Variants in CDH4 observed in about 807,000 individuals in gnomAD.
CDH4 encodes the protein cadherin 4.
CDH4 carries 33 observed loss-of-function variants against 86.0 expected under a neutral mutation model. That is an observed-to-expected ratio of 0.38 (90% CI 0.29 to 0.51). CDH4 has a LOEUF of 0.51. Ranked by LOEUF, CDH4 falls within the 20% of genes least tolerant of loss-of-function variation. The pLI is 0.86. For missense variants in CDH4, 1,114 were observed against 1,307.4 expected (o/e 0.85, Z 2.28); for synonymous variants, 555 against 549.4 (o/e 1.01, Z -0.14).
intron 2 of CDH4, among the ~76,000 whole-genome samples, chr20:61,738,046 A>G (rs2088286632): frequency 6.6e-6 from 1 of 152,098 alleles, no homozygotes; most frequent in Non-Finnish European, 1.5e-5. Context: ...TGAGGACAGC[A>G]GGTGTTCCCC....
Position 61,252,717 on chromosome 20 carries a change from CTCGGCGAAGCTGCCTGCGG to C in CDH4, c.57+153_57+171del, listed in dbSNP as rs2084069832. 2.7e-6 allele frequency: 1 copy of C among 366,524 alleles called. No individual in the cohort carries two copies. The highest frequency in any genetic ancestry group is 1.3e-4 in the South Asian group (1 of 7,564). The allele number at this position is 366,524 out of a possible 1,614,324, so 22.7% of individuals were successfully genotyped here. On this transcript the variant is annotated intron_variant, in intron 1 of 15. Transcript: ENST00000614565. This position sits in a 1 kb window ranked among gnomAD's most constrained non-coding sequence, Gnocchi z 4.4. ...CGCTGCATCCAGCCCGGCGCCCGCG[CTCGGCGAAGCTGCCTGCGG>C]TCGGCAGGAGCGGGAAGCCGCCTGG...
Position 61,384,555 on chromosome 20 carries a change from C to T in CDH4, c.169+129618C>T, listed in dbSNP as rs545489175. ...CTGAACATCTGCCCCAATGTCTCAG[C>T]ACTTCTCATCCCACCCTCTGCGTCT... On this transcript the variant is annotated intron_variant, in intron 2 of 15. Transcript: ENST00000614565. Among the ~76,000 whole-genome samples, 6 of 152,290 alleles carry T rather than the reference C, an allele frequency of 3.9e-5. No individual in the cohort carries two copies. In the South Asian group the frequency reaches 1.0e-3, roughly 26 times the overall value.
chr20:61,690,087 T>TGGG (rs2087636681), intron 2 of CDH4, among the ~76,000 whole-genome samples: 5 of 147,842 alleles, frequency 3.4e-5, no homozygotes, highest in African/African-American at 1.3e-4. Flanking sequence ...TGATGTGGAT[T>TGGG]CTGACAGGGA....
At chr20:61,437,267 G>A (rs2085288850) in intron 2 of CDH4, 1 of 152,228 alleles carries the variant, frequency 6.6e-6, no homozygotes, top group Non-Finnish European at 1.5e-5. Flanking sequence ...TTAGTAGAGA[G>A]CTGTTTATTT....
intron 2 of CDH4, among the ~76,000 whole-genome samples, chr20:61,616,888 G>A (rs2145767584): frequency 6.6e-6 from 1 of 152,238 alleles, no homozygotes; most frequent in Admixed American, 6.5e-5. Flanking sequence ...GCACATCCAG[G>A]GGTTCTTCCT....
At chr20:61,511,375 C>CCTG (rs1420343214) in intron 2 of CDH4, among the ~76,000 whole-genome samples, 1 of 152,230 alleles carries the variant, frequency 6.6e-6, no homozygotes, top group Non-Finnish European at 1.5e-5. Flanking sequence ...CCAGGAAGAC[C>CCTG]CTGCTCTGCA....
chr20:61,894,761 AG>A (rs1985019214), intron 7 of CDH4, 148 bp from the exon 8 acceptor site: 1 of 782,912 alleles, frequency 1.3e-6, no homozygotes, highest in South Asian at 1.8e-5. Flanking sequence ...AGGCTTGGAA[AG>A]GGCCCTGCGC....
chr20:61,453,135 A>G (rs1303667110), intron 2 of CDH4, among the ~76,000 whole-genome samples: 1 of 152,210 alleles, frequency 6.6e-6, no homozygotes, highest in Non-Finnish European at 1.5e-5. Context: ...AAGGGGAAAA[A>G]AGCCAATGAA....
At position 61,386,631 on chromosome 20, in the gene CDH4, A is replaced by T. The variant is rs545586137; in HGVS notation, c.169+131694A>T. On this transcript the variant is annotated intron_variant, in intron 2 of 15. Coordinates refer to ENST00000614565, the MANE Select transcript of CDH4 (RefSeq NM_001794.5). ...CTCTGCCCTTCCTAGAGAACTGCAC[A>T]TGGATTCTTTTATCTCTGAAATGTG... Among the ~76,000 whole-genome samples the T allele has an allele frequency of 2.6e-5, 4 of 152,328 alleles. No homozygotes were observed. The East Asian group carries it at 7.7e-4, about 29-fold the overall frequency.
intron 2 of CDH4, among the ~76,000 whole-genome samples, chr20:61,562,920 C>A (rs983245088): frequency 6.6e-6 from 1 of 152,184 alleles, no homozygotes; most frequent in Non-Finnish European, 1.5e-5. Context: ...AGCAACAGGA[C>A]CCCCTGGGAT....
chr20:61,377,761 T>C lies in CDH4; in HGVS notation c.169+122824T>C, dbSNP rs2084880092. 6.6e-6 allele frequency among the ~76,000 whole-genome samples: 1 copy of C among 152,240 alleles called. No individual in the cohort carries two copies. Among genetic ancestry groups the C allele is most frequent in the Non-Finnish European group, 1.5e-5 (1 of 68,042 alleles). On this transcript the variant is annotated intron_variant, in intron 2 of 15. Transcript: ENST00000614565. This position sits in a 1 kb window ranked among gnomAD's most constrained non-coding sequence, Gnocchi z 4.0. ...TGCTGTGTAAAGGGTACATTCCATC[T>C]GTTCCCCATCTGGACTCCTTAGGTC...
intron 2 of CDH4, among the ~76,000 whole-genome samples, chr20:61,463,933 A>T (rs1286244771): frequency 3.3e-5 from 5 of 152,168 alleles, no homozygotes; most frequent in Non-Finnish European, 7.4e-5. Context: ...ACTGAGCAGA[A>T]CATTGAGGCT....
intron 4 of CDH4, among the ~76,000 whole-genome samples, chr20:61,835,442 C>G (rs1332153465): frequency 6.6e-6 from 1 of 152,210 alleles, no homozygotes; most frequent in Non-Finnish European, 1.5e-5. Flanking sequence ...GTAGGCACTG[C>G]TAGTGTAGCC....
At chr20:61,680,560 G>A (rs1385824230) in intron 2 of CDH4, among the ~76,000 whole-genome samples, 2 of 152,186 alleles carry the variant, frequency 1.3e-5, no homozygotes, top group Non-Finnish European at 2.9e-5. Context: ...CAGAAATGAG[G>A]AGTGGGGGAA....
chr20:61,932,938 G>T lies in CDH4; in HGVS notation c.2240-47G>T, dbSNP rs780904595. ...ACATGGCAAACACAGAGGCACACAT[G>T]CGCACACCCGCAGCACACCCTGCTC... On this transcript the variant is annotated intron_variant, in intron 13 of 15. Transcript: ENST00000614565. 6 of 1,597,166 alleles carry T rather than the reference G, an allele frequency of 3.8e-6. No homozygotes were observed. The African/African-American group carries it at 6.7e-5, about 18-fold the overall frequency.
At chr20:61,759,072 AT>A (rs1359129922) in intron 3 of CDH4, among the ~76,000 whole-genome samples, 2 of 152,118 alleles carry the variant, frequency 1.3e-5, no homozygotes, top group African/African-American at 4.8e-5. Flanking sequence ...GCATGTGCAT[AT>A]TTGTGCATGC....
chr20:61,494,419 T>C (rs1288067895), intron 2 of CDH4, among the ~76,000 whole-genome samples: 1 of 152,250 alleles, frequency 6.6e-6, no homozygotes, highest in East Asian at 1.9e-4. Context: ...TGCATTGTTA[T>C]CCATTATCCT....
At chr20:61,390,957 T>C (rs1164629790) in intron 2 of CDH4, among the ~76,000 whole-genome samples, 1 of 152,244 alleles carries the variant, frequency 6.6e-6, no homozygotes, top group African/African-American at 2.4e-5. Flanking sequence ...TGAAATAATT[T>C]TGTAGTTAAA....
intron 2 of CDH4, among the ~76,000 whole-genome samples, chr20:61,696,837 G>A (rs774345467): frequency 1.3e-5 from 2 of 152,214 alleles, no homozygotes; most frequent in East Asian, 1.9e-4. Flanking sequence ...ATTAAGAATC[G>A]CAAGATGAGA....
Sources: gnomAD v4.1 joint callset for allele counts (sites outside exome capture counted in the v4.1 genomes callset) on GRCh38, gnomAD v4.1.1 for gene constraint, Gnocchi (gnomAD v3.1) non-coding constraint, MANE v1.5 for transcripts, NCBI Gene and HGNC (gene_info 2026-07-23, HGNC 2026-07-21) for gene names.